The following RNASE11 variants were observed in gnomAD, a reference collection of about 807,000 sequenced individuals.
The protein encoded by RNASE11 is putative inactive ribonuclease 11.
For missense variants in RNASE11, 252 were observed against 237.8 expected (o/e 1.06, Z -0.39); for synonymous variants, 105 against 86.1 (o/e 1.22, Z -1.21).
downstream of RNASE11, chr14:20,583,122 C>T (rs888350011): frequency 6.6e-6 from 1 of 152,226 alleles, no homozygotes; most frequent in Admixed American, 6.5e-5. Flanking sequence ...GAAGACCAGT[C>T]CTGCCTGGTA....
exon 2 of RNASE11, chr14:20,583,826 A>G: frequency 1.3e-6 from 2 of 1,523,462 alleles, no homozygotes; most frequent in South Asian, 1.3e-5. Flanking sequence ...AGAATGAACA[A>G]GAAGAGGTCC....
chr14:20,587,729 C>T (rs536086780), upstream of RNASE11: 50 of 985,282 alleles, frequency 5.1e-5, no homozygotes, highest in Admixed American at 3.1e-4. Flanking sequence ...GATGAGTAAG[C>T]GTTGCCTACT....
chr14:20,584,304 C>G (rs757971082), exon 2 of RNASE11: 1 of 1,614,180 alleles, frequency 6.2e-7, no homozygotes, highest in Admixed American at 1.7e-5. Flanking sequence ...TTTTAACTAA[C>G]AGGATCGGGT....
At chr14:20,585,832 C>G (rs1756542) in intron 1 of RNASE11, among the ~76,000 whole-genome samples, 105,722 of 152,046 alleles carry the variant, frequency 0.7, 37,159 homozygotes, top group Non-Finnish European at 0.74. Context: ...AAATCCTTTA[C>G]TTGAGGTCAA....
At chr14:20,589,558 C>G (rs1357612585), upstream of RNASE11, among the ~76,000 whole-genome samples, 1 of 151,068 alleles carries the variant, frequency 6.6e-6, no homozygotes, top group Non-Finnish European at 1.5e-5. Flanking sequence ...CGGCGAGCAT[C>G]CAAGATTTTT....
exon 2 of RNASE11, chr14:20,583,998 C>G: frequency 1.2e-6 from 2 of 1,614,212 alleles, no homozygotes; most frequent in Non-Finnish European, 1.7e-6. Flanking sequence ...CTGTAGTGAA[C>G]TGGCACACTG....
At chr14:20,589,511 C>T (rs1301034988), upstream of RNASE11, among the ~76,000 whole-genome samples, 1 of 151,916 alleles carries the variant, frequency 6.6e-6, no homozygotes, top group Non-Finnish European at 1.5e-5. Context: ...CCTCGGCCTC[C>T]CAAAGTGGTG....
At chr14:20,587,962 GA>G, upstream of RNASE11, 1 of 478,186 alleles carries the variant, frequency 2.1e-6, no homozygotes, top group South Asian at 8.9e-5. Flanking sequence ...CAAAGCCTGT[GA>G]CCCACCCATG....
At chr14:20,584,206 C>G in exon 2 of RNASE11, 2 of 1,614,214 alleles carry the variant, frequency 1.2e-6, no homozygotes, top group Non-Finnish European at 1.7e-6. Context: ...ATTACCCGAA[C>G]TGTTTCCCTT....
chr14:20,583,125 G>C (rs1884341330), downstream of RNASE11: 3 of 152,226 alleles, frequency 2.0e-5, no homozygotes, highest in Admixed American at 2.0e-4. Context: ...GACCAGTCCT[G>C]CCTGGTACTT....
chr14:20,586,331 T>C (rs1884432747), intron 1 of RNASE11, among the ~76,000 whole-genome samples: 1 of 152,266 alleles, frequency 6.6e-6, no homozygotes, highest in South Asian at 2.1e-4. Flanking sequence ...TCATTCTTTA[T>C]TTTACATGTT....
At chr14:20,583,961 G>A in exon 2 of RNASE11, 4 of 1,614,108 alleles carry the variant, frequency 2.5e-6, no homozygotes, top group Non-Finnish European at 3.4e-6. Flanking sequence ...GTAACACTAT[G>A]GTATTGGCAC....
intron 1 of RNASE11, among the ~76,000 whole-genome samples, chr14:20,584,778 T>C (rs1884400299): frequency 6.6e-6 from 1 of 152,218 alleles, no homozygotes; most frequent in Non-Finnish European, 1.5e-5. Context: ...TGTTTAAAGA[T>C]CTACAACCAA....
chr14:20,585,320 C>T (rs998773614), intron 1 of RNASE11, among the ~76,000 whole-genome samples: 1 of 152,196 alleles, frequency 6.6e-6, no homozygotes, highest in Non-Finnish European at 1.5e-5. Flanking sequence ...TACCAAAACC[C>T]AGCATGACTT....
upstream of RNASE11, among the ~76,000 whole-genome samples, chr14:20,589,752 T>G (rs1022824657): frequency 5.9e-5 from 9 of 151,954 alleles, no homozygotes; most frequent in African/African-American, 2.2e-4. Context: ...CCGGGCGCGG[T>G]GGCACATGCC....
chr14:20,589,070 AGCCACCACGCCTG>A (rs1172025124), upstream of RNASE11, among the ~76,000 whole-genome samples: 1 of 152,100 alleles, frequency 6.6e-6, no homozygotes, highest in African/African-American at 2.4e-5. Context: ...TACAGGCATG[AGCCACCACGCCTG>A]GCCAGAAAAT....
chr14:20,586,699 G>A (rs1249653571), intron 1 of RNASE11, among the ~76,000 whole-genome samples: 1 of 152,184 alleles, frequency 6.6e-6, no homozygotes, highest in Non-Finnish European at 1.5e-5. Context: ...CATCAGTAGT[G>A]AGGTGACAAT....
upstream of RNASE11, among the ~76,000 whole-genome samples, chr14:20,588,957 T>G (rs529848228): frequency 4.0e-4 from 61 of 151,942 alleles, no homozygotes; most frequent in Non-Finnish European, 7.4e-4. Flanking sequence ...CAACTAACTT[T>G]TGTATTTTTA....
intron 1 of RNASE11, among the ~76,000 whole-genome samples, chr14:20,585,311 AC>A (rs1884412831): frequency 6.6e-6 from 1 of 152,182 alleles, no homozygotes; most frequent in South Asian, 2.1e-4. Context: ...GTCTATTTAT[AC>A]CAAAACCCAG....
Sources: gnomAD v4.1 joint callset for allele counts (sites outside exome capture counted in the v4.1 genomes callset) on GRCh38, gnomAD v4.1.1 for gene constraint, MANE v1.5 for transcripts, NCBI Gene and HGNC (gene_info 2026-07-23, HGNC 2026-07-21) for gene names.